Variants in SLC45A4 observed in about 807,000 individuals in gnomAD.
The protein encoded by SLC45A4 is solute carrier family 45 member 4.
SLC45A4 carries 32 observed loss-of-function variants against 63.7 expected under a neutral mutation model. That is an observed-to-expected ratio of 0.50 (90% confidence interval 0.38 to 0.67). SLC45A4 has a LOEUF of 0.67. Ranked by LOEUF, SLC45A4 falls within the 30% of genes least tolerant of loss-of-function variation. The pLI is 0.00. For synonymous variants in SLC45A4, 535 were observed against 510.0 expected, an observed-to-expected ratio of 1.05 and a Z score of -0.66; for missense variants, 1,027 against 1,157.7, an observed-to-expected ratio of 0.89 and a Z score of 1.64.
chr8:141,212,149 C>CGGGGGGGG, intron 8 of SLC45A4, 48 bp downstream of exon 8: 2 of 643,494 alleles, frequency 3.1e-6, no homozygotes, highest in Non-Finnish European at 4.0e-6. Context: ...CCCGCCCGCC[C>CGGGGGGGG]GCCCACCCGC....
intron 1 of SLC45A4, among the ~76,000 whole-genome samples, chr8:141,301,078 T>A (rs1440781392): frequency 6.6e-6 from 1 of 152,126 alleles, no homozygotes; most frequent in East Asian, 1.9e-4. Flanking sequence ...GAGAAGCTGC[T>A]GTGGAGAAAG....
intron 1 of SLC45A4, among the ~76,000 whole-genome samples, chr8:141,260,002 G>C (rs1448906580): frequency 6.6e-6 from 1 of 152,184 alleles, no homozygotes; most frequent in African/African-American, 2.4e-5. Context: ...CCAGCCACCG[G>C]CTTATGCGTC....
In SLC45A4 at chr8:141,235,927, C is replaced by T. The variant is rs1827603892; in HGVS notation, c.242-14162G>A. 3.3e-5 allele frequency among the ~76,000 whole-genome samples: 5 copies of T among 152,030 alleles called. No homozygotes were observed. In the South Asian group the frequency reaches 1.0e-3, roughly 32 times the overall value. On this transcript the variant is annotated intron_variant, in intron 2 of 8. Transcript: ENST00000517878. ...GACCAGCCTGGCCAACATGGTGAAA[C>T]CCCGTCTCTACTAAAAATATAAAAA... is the stretch of plus-strand genomic sequence containing the variant.
In SLC45A4 at chr8:141,229,282, C is replaced by T. The variant is rs13252660; in HGVS notation, c.242-7517G>A. 0.3 allele frequency among the ~76,000 whole-genome samples: 45,571 copies of T among 151,890 alleles called. 7,889 individuals are homozygous for T. Among genetic ancestry groups the T allele is most frequent in the Non-Finnish European group, 0.39 (26,614 of 67,924 alleles). ...CACTGCTTGCACCTGCCGTGGCGTC[C>T]AGGGCCCTCAAAGTCCTGCCTCATG... On this transcript the variant is annotated intron_variant, in intron 2 of 8. Transcript: ENST00000517878. This position sits in a 1 kb window ranked among gnomAD's most constrained non-coding sequence, Gnocchi z 5.0.
Position 141,218,666 on chromosome 8 carries a change from A to G in SLC45A4, c.974T>C (p.Leu325Pro). 6.2e-7 allele frequency: 1 copy of G among 1,613,326 alleles called. No homozygotes were observed. The highest frequency in any genetic ancestry group is 8.5e-7 in the Non-Finnish European group (1 of 1,179,912). The change falls in exon 5 of 9, where the codon CTG (leucine) becomes CCG (proline). Residue 325 changes from leucine (L) to proline (P), a missense_variant. Transcript: ENST00000517878. ...DTALDLEPEL[L>P]FLHDIEPSIF... ...GGAGGGCTCGATGTCGTGCAGGAAC[A>G]GCAGCTCGGGCTCCAGGTCCAGCGC... is the stretch of plus-strand genomic sequence containing the variant.
In SLC45A4 at chr8:141,208,468, T is replaced by C. The variant is rs1825636336; in HGVS notation, c.*3104A>G. ...ATTCAAGAAACACTCCTGATGGCTG[T>C]TGGAAGCCACTAACCATCTGAGGAG... is the stretch of plus-strand genomic sequence containing the variant. On this transcript the variant is annotated 3_prime_UTR_variant, in exon 9 of 9. Coordinates refer to ENST00000517878, the MANE Select transcript of SLC45A4 (RefSeq NM_001286646.2). The C allele has an allele frequency of 6.6e-6, 1 of 152,218 alleles. No homozygotes were observed. The highest frequency in any genetic ancestry group is 6.5e-5 in the Admixed American group (1 of 15,280). 9.4% of individuals were successfully genotyped at this position (152,218 alleles called of 1,614,324 possible).
Position 141,218,234 on chromosome 8 carries a change from C to T in SLC45A4, c.1406G>A (p.Arg469Gln), listed in dbSNP as rs1182411183. Residue 469 changes from arginine (R) to glutamine (Q), a missense_variant, in exon 5 of 9, where the codon CGG (arginine) becomes CAG (glutamine). Coordinates refer to ENST00000517878, the MANE Select transcript of SLC45A4 (RefSeq NM_001286646.2). The stretch of plus-strand genomic sequence containing the variant: ...GGTGGCCCCGCTCTGGTTCCGGTGC[C>T]GGTGCTGCCGCTGCCGCTTCTGCAT... ...YDMQKRQRQH[R>Q]HRNQSGATTS... The T allele has an allele frequency of 1.3e-5, 21 of 1,601,724 alleles. No individual in the cohort carries two copies. The highest frequency in any genetic ancestry group is 1.0e-4 in the Admixed American group (6 of 59,962).
Position 141,229,968 on chromosome 8 carries a change from G to A in SLC45A4, c.242-8203C>T, listed in dbSNP as rs1589787959. 2.3e-6 allele frequency: 1 copy of A among 436,260 alleles called. No homozygotes were observed. The highest frequency in any genetic ancestry group is 4.6e-6 in the Non-Finnish European group (1 of 215,892). The allele number at this position is 436,260 out of a possible 1,614,324, so 27.0% of individuals were successfully genotyped here. A position where few individuals can be genotyped will look rare whatever the true frequency, so the allele number is the denominator to read the frequency against. ...ACACTAGATCCCTGCCTGCACTCCC[G>A]AGGCCGTGGTGCTCTGATGACATCC... is the stretch of plus-strand genomic sequence containing the variant. On this transcript the variant is annotated intron_variant, in intron 2 of 8. Coordinates refer to ENST00000517878, the MANE Select transcript of SLC45A4 (RefSeq NM_001286646.2). This position sits in a 1 kb window ranked among gnomAD's most constrained non-coding sequence, Gnocchi z 5.0.
chr8:141,283,968 A>T (rs1056973439), intron 1 of SLC45A4, among the ~76,000 whole-genome samples: 6 of 152,136 alleles, frequency 3.9e-5, no homozygotes, highest in Non-Finnish European at 8.8e-5. Context: ...CATGCCACCT[A>T]AAGAGGCTGA....
At chr8:141,270,870 CCT>C (rs1332235689) in intron 1 of SLC45A4, among the ~76,000 whole-genome samples, 2 of 152,172 alleles carry the variant, frequency 1.3e-5, no homozygotes, top group Non-Finnish European at 2.9e-5. Flanking sequence ...CTCGTACCTC[CCT>C]GTCTAGTCAG....
At chr8:141,239,814 G>A (rs895052378) in intron 2 of SLC45A4, among the ~76,000 whole-genome samples, 2 of 152,336 alleles carry the variant, frequency 1.3e-5, no homozygotes, top group African/African-American at 2.4e-5. Flanking sequence ...GCCTCTGCAG[G>A]TGACTCAGTG....
intron 1 of SLC45A4, among the ~76,000 whole-genome samples, chr8:141,263,129 C>T (rs1208766094): frequency 6.7e-6 from 1 of 149,714 alleles, no homozygotes; most frequent in Non-Finnish European, 1.5e-5. Flanking sequence ...AAACCAAACA[C>T]CACGTGTTCT....
At chr8:141,242,967 G>A (rs1282529621) in intron 2 of SLC45A4, among the ~76,000 whole-genome samples, 5 of 152,224 alleles carry the variant, frequency 3.3e-5, no homozygotes, top group Admixed American at 1.3e-4. Flanking sequence ...CGGGGAGCCG[G>A]CAGGGCGAGG....
intron 2 of SLC45A4, among the ~76,000 whole-genome samples, chr8:141,244,279 C>G (rs1184564135): frequency 5.3e-5 from 8 of 152,204 alleles, no homozygotes; most frequent in Non-Finnish European, 4.4e-5. Context: ...CAGATGGAGT[C>G]CAGCCCATGC....
At chr8:141,250,761 T>G (rs1461311589) in intron 2 of SLC45A4, among the ~76,000 whole-genome samples, 1 of 152,200 alleles carries the variant, frequency 6.6e-6, no homozygotes, top group Non-Finnish European at 1.5e-5. Context: ...AAATCCATTT[T>G]CGACTCAAGG....
chr8:141,212,291 C>T lies in SLC45A4; in HGVS notation c.2207G>A (p.Gly736Asp), dbSNP rs779570539. The T allele has an allele frequency of 6.2e-7, 1 of 1,607,210 alleles. No individual in the cohort carries two copies. The highest frequency in any genetic ancestry group is 1.7e-5 in the Admixed American group (1 of 59,672). Residue 736 changes from glycine (G) to aspartate (D), a missense_variant, in exon 8 of 9, where the codon GGC becomes GAC. By Grantham distance (94) the Gly-to-Asp change is moderately conservative. Coordinates refer to ENST00000517878, the MANE Select transcript of SLC45A4 (RefSeq NM_001286646.2). ...GCTGTTCCCACCGGCCCTGCCTTCG[C>T]CGGCCAACGGGGAAGACAGGCCTTT... ...EQKGLSSPLA[G>D]EGRAGGNSEK... is the part of the protein sequence containing the mutation.
chr8:141,230,509 A>C (rs1349529895), intron 2 of SLC45A4, among the ~76,000 whole-genome samples: 1 of 152,242 alleles, frequency 6.6e-6, no homozygotes, highest in Non-Finnish European at 1.5e-5. Flanking sequence ...TGGCCACGTG[A>C]AGGTCTGAAG....
At chr8:141,212,688 C>G in intron 7 of SLC45A4, 132 bp from the exon 8 acceptor site, 2 of 1,076,234 alleles carry the variant, frequency 1.9e-6, no homozygotes, top group Non-Finnish European at 2.6e-6. Context: ...GGCAACCACT[C>G]CTGCCTGAGC....
chr8:141,228,696 G>A lies in SLC45A4; in HGVS notation c.242-6931C>T, dbSNP rs574517980. 2.3e-4 allele frequency: 206 copies of A among 914,602 alleles called. 1 individual carries two copies. In the African/African-American group the frequency reaches 3.5e-3, roughly 16 times the overall value. 56.7% of individuals were successfully genotyped at this position (914,602 alleles called of 1,614,324 possible). Reference sequence around the variant, plus strand: ...CGTATGGCCTTTGGCCTGAGATTCCGGAAGCTTCCTGAAGAGCACAAAATG... The same window carrying A: ...CGTATGGCCTTTGGCCTGAGATTCCAGAAGCTTCCTGAAGAGCACAAAATG... On this transcript the variant is annotated intron_variant, in intron 2 of 8. Transcript: ENST00000517878.
Sources: gnomAD v4.1 joint callset for allele counts (sites outside exome capture counted in the v4.1 genomes callset) on GRCh38, gnomAD v4.1.1 for gene constraint, Gnocchi (gnomAD v3.1) non-coding constraint, MANE v1.5 for transcripts, NCBI Gene and HGNC (gene_info 2026-07-23, HGNC 2026-07-21) for gene names.